PABPC4L: variants seen among roughly 807,000 people sequenced by gnomAD.
The protein encoded by PABPC4L is poly(A) binding protein cytoplasmic 4 like.
For synonymous variants in PABPC4L, 169 were observed against 164.1 expected (o/e 1.03, Z -0.23); for missense variants, 452 against 451.4 (o/e 1.00, Z -0.01).
chr4:134,078,876 C>A, the PABPC4L span, among the ~76,000 whole-genome samples: 1 of 149,136 alleles, frequency 6.7e-6, no homozygotes. Flanking sequence ...CCACGTTGGT[C>A]AGGCTGATCT....
chr4:134,086,209 T>C, the PABPC4L span, among the ~76,000 whole-genome samples: 2 of 152,024 alleles, frequency 1.3e-5, no homozygotes, highest in African/African-American at 4.8e-5. Context: ...TTATTGGTGA[T>C]TTTGAAAAGT....
the PABPC4L span, among the ~76,000 whole-genome samples, chr4:134,107,250 TA>T: frequency 6.6e-6 from 1 of 151,430 alleles, no homozygotes; most frequent in Non-Finnish European, 1.5e-5. Context: ...TCTTCATCTA[TA>T]AAATAGAGTA....
the PABPC4L span, among the ~76,000 whole-genome samples, chr4:134,077,004 G>T: frequency 0.011 from 1,601 of 152,174 alleles, 13 homozygotes; most frequent in Non-Finnish European, 0.014. Context: ...AGCATGAATA[G>T]TTCATATTAT....
the PABPC4L span, among the ~76,000 whole-genome samples, chr4:134,103,460 T>A: frequency 6.6e-6 from 1 of 151,784 alleles, no homozygotes; most frequent in South Asian, 2.1e-4. Flanking sequence ...GATGGCCACC[T>A]TCTCACTGTC....
downstream of PABPC4L, among the ~76,000 whole-genome samples, chr4:134,193,746 C>T (rs1229672163): frequency 1.3e-5 from 2 of 151,758 alleles, no homozygotes; most frequent in Non-Finnish European, 2.9e-5. Flanking sequence ...CTTGTCTCTC[C>T]ACAAGGGTCC....
the PABPC4L span, among the ~76,000 whole-genome samples, chr4:134,025,289 G>A: frequency 8.0e-6 from 1 of 125,010 alleles, no homozygotes; most frequent in Non-Finnish European, 1.6e-5. Context: ...CTGGGCAACA[G>A]AGCGAGAATT....
chr4:134,013,144 C>T, the PABPC4L span, among the ~76,000 whole-genome samples: 21 of 151,954 alleles, frequency 1.4e-4, no homozygotes, highest in Non-Finnish European at 2.4e-4. Context: ...ACCCCTTCTC[C>T]GCTTTTCTAG....
At chr4:134,085,460 C>T in the PABPC4L span, among the ~76,000 whole-genome samples, 8 of 151,906 alleles carry the variant, frequency 5.3e-5, no homozygotes, top group African/African-American at 9.7e-5. Context: ...CACGCACTAA[C>T]GCAAAGTCAC....
At chr4:134,119,768 A>G in the PABPC4L span, among the ~76,000 whole-genome samples, 1 of 151,694 alleles carries the variant, frequency 6.6e-6, no homozygotes, top group African/African-American at 2.4e-5. Flanking sequence ...TTCTGTCTCC[A>G]GAGATTAATT....
At chr4:134,046,216 G>T in the PABPC4L span, among the ~76,000 whole-genome samples, 1 of 152,176 alleles carries the variant, frequency 6.6e-6, no homozygotes, top group South Asian at 2.1e-4. Flanking sequence ...GGAGGACAGG[G>T]TGATAGTTGG....
the PABPC4L span, among the ~76,000 whole-genome samples, chr4:134,183,400 A>T: frequency 6.6e-6 from 1 of 151,990 alleles, no homozygotes; most frequent in African/African-American, 2.4e-5. Flanking sequence ...AGTGGGAAAT[A>T]AACTTTGAGT....
chr4:134,178,657 A>T, the PABPC4L span, among the ~76,000 whole-genome samples: 2 of 152,154 alleles, frequency 1.3e-5, no homozygotes, highest in Admixed American at 6.6e-5. Context: ...ACAATAAAAC[A>T]ATACAGGAGT....
chr4:134,041,257 A>G, the PABPC4L span, among the ~76,000 whole-genome samples: 2 of 152,262 alleles, frequency 1.3e-5, no homozygotes, highest in East Asian at 1.9e-4. Context: ...TTATTCTACC[A>G]TAAAGACACA....
At chr4:133,974,363 T>G in the PABPC4L span, among the ~76,000 whole-genome samples, 1 of 152,010 alleles carries the variant, frequency 6.6e-6, no homozygotes, top group African/African-American at 2.4e-5. Context: ...TTAAAATAGA[T>G]CAGAGATGTA....
chr4:133,973,673 C>T, the PABPC4L span, among the ~76,000 whole-genome samples: 2 of 152,076 alleles, frequency 1.3e-5, no homozygotes, highest in Non-Finnish European at 2.9e-5. Context: ...ACTATTTGAC[C>T]ACCTGGAAAC....
At chr4:134,097,152 G>A in the PABPC4L span, among the ~76,000 whole-genome samples, 3 of 151,824 alleles carry the variant, frequency 2.0e-5, no homozygotes, top group Non-Finnish European at 4.4e-5. Context: ...TATACACCTT[G>A]GCAAATTTTG....
the PABPC4L span, among the ~76,000 whole-genome samples, chr4:133,991,295 T>G: frequency 8.5e-5 from 13 of 152,270 alleles, no homozygotes; most frequent in Admixed American, 8.5e-4. Context: ...AGTCTTAAGT[T>G]GCCTTACATC....
chr4:134,110,338 G>C, the PABPC4L span, among the ~76,000 whole-genome samples: 1 of 151,978 alleles, frequency 6.6e-6, no homozygotes, highest in Non-Finnish European at 1.5e-5. Flanking sequence ...TACTTTGATA[G>C]TGTAGGGTTT....
At chr4:133,966,200 T>C in the PABPC4L span, among the ~76,000 whole-genome samples, 12 of 152,090 alleles carry the variant, frequency 7.9e-5, no homozygotes, top group African/African-American at 2.9e-4. Flanking sequence ...CCAACGAACA[T>C]TATGAAAAAA....
Sources: allele counts gnomAD v4.1 joint callset (sites outside exome capture counted in the v4.1 genomes callset), GRCh38; gene constraint gnomAD v4.1.1; transcripts MANE v1.5; gene names NCBI Gene and HGNC (gene_info 2026-07-23, HGNC 2026-07-21).